The following DRG2 variants were observed in gnomAD, a reference collection of about 807,000 sequenced individuals.
DRG2 encodes developmentally regulated GTP binding protein 2.
A neutral mutation model predicts 53.4 loss-of-function variants in DRG2; 36 were observed. That is an observed-to-expected ratio of 0.67 (90% CI 0.52 to 0.89). The LOEUF (loss-of-function observed/expected upper bound fraction) is 0.89. DRG2 is among the 40% of genes least tolerant of loss of function. The probability of loss-of-function intolerance (pLI) is 0.00; values close to 1 mark genes in which losing one functional copy is unlikely to be tolerated. For synonymous variants in DRG2, 167 were observed against 192.1 expected, an observed-to-expected ratio of 0.87 and a Z score of 1.08; for missense variants, 342 against 481.2, an observed-to-expected ratio of 0.71 and a Z score of 2.71.
At chr17:18,104,513 G>A in intron 10 of DRG2, 110 bp from the exon 11 acceptor site, 2 of 1,557,934 alleles carry the variant, frequency 1.3e-6, no homozygotes, top group East Asian at 2.3e-5. Flanking sequence ...TTAGGCCAAG[G>A]CAAGGAGACC....
Position 18,098,319 on chromosome 17 carries a change from A to G in DRG2, c.275A>G (p.Tyr92Cys), listed in dbSNP as rs762700604. The change falls in exon 3 of 13, where the codon TAT becomes TGT. Residue 92 changes from tyrosine (Y) to cysteine (C), a missense_variant. Coordinates refer to ENST00000225729, the MANE Select transcript of DRG2 (RefSeq NM_001388.5). This position sits in a 1 kb window ranked among gnomAD's most constrained non-coding sequence, Gnocchi z 4.1. The part of the protein sequence containing the change: ...MTSTASEAAS[Y>C]EFTTLTCIPG... ...TCCACGGCCAGCGAGGCAGCGTCCT[A>G]TGAGTTCACCACTCTGACGTGTATT... is the stretch of plus-strand genomic sequence containing the variant. 9 of 1,613,984 alleles carry G rather than the reference A, an allele frequency of 5.6e-6. No homozygotes were observed. The highest frequency in any genetic ancestry group is 4.5e-5 in the East Asian group (2 of 44,874).
At position 18,103,652 on chromosome 17, in the gene DRG2, C is replaced by T; in HGVS notation, c.807-149C>T. ...AGGCACTGGCAGCAGAAACATCAGGCTGCCATCATAGTAATGGGCTTGTTT... is the reference window on the plus strand; with the variant it reads ...AGGCACTGGCAGCAGAAACATCAGGTTGCCATCATAGTAATGGGCTTGTTT... On this transcript the variant is annotated intron_variant, in intron 9 of 12. Transcript: ENST00000225729. The surrounding 1 kb of genome is among the most constrained non-coding windows in gnomAD (Gnocchi z 4.4). 1 of 697,802 alleles carries T rather than the reference C, an allele frequency of 1.4e-6. No individual in the cohort carries two copies. Among genetic ancestry groups the T allele is most frequent in the Non-Finnish European group, 2.5e-6 (1 of 398,456 alleles). 43.2% of individuals were successfully genotyped at this position (697,802 alleles called of 1,614,324 possible).
chr17:18,101,351 T>A, intron 7 of DRG2, 142 bp from the exon 8 acceptor site: 1 of 689,350 alleles, frequency 1.5e-6, no homozygotes, highest in Non-Finnish European at 2.5e-6. Context: ...TCCAAAGCAT[T>A]ACAATCTTGC....
chr17:18,098,120 G>T lies in DRG2; in HGVS notation c.226-150G>T. 1.6e-6 allele frequency: 1 copy of T among 635,810 alleles called. No homozygotes were observed. The highest frequency in any genetic ancestry group is 1.7e-5 in the South Asian group (1 of 58,348). 39.4% of individuals were successfully genotyped at this position (635,810 alleles called of 1,614,324 possible). A position where few individuals can be genotyped will look rare whatever the true frequency, so the allele number is the denominator to read the frequency against. ...AGGGCCAGAGGTGAGCCCTCTGGCT[G>T]GGAGGTCTCTTCACAGCCACCTAGG... On this transcript the variant is annotated intron_variant, in intron 2 of 12. Coordinates refer to ENST00000225729, the MANE Select transcript of DRG2 (RefSeq NM_001388.5). The surrounding 1 kb of genome is among the most constrained non-coding windows in gnomAD (Gnocchi z 4.1).
chr17:18,101,996 A>G lies in DRG2; in HGVS notation c.805A>G (p.Ser269Gly). ...LARKPNSVVI[S>G]CGMKLNLDYL... ...CCGAAAACCCAACAGTGTGGTCATC[A>G]GGTGAGGCCACTGGCATCCTGCCAC... Residue 269 changes from serine to glycine, a missense_variant and splice_region_variant, in exon 9 of 13, where the codon AGC becomes GGC. Ser to Gly is a moderately conservative substitution (Grantham distance 56, BLOSUM62 0). Coordinates refer to ENST00000225729, the MANE Select transcript of DRG2 (RefSeq NM_001388.5). 6.2e-7 allele frequency: 1 copy of G among 1,606,080 alleles called. No homozygotes were observed. Among genetic ancestry groups the G allele is most frequent in the Non-Finnish European group, 8.5e-7 (1 of 1,176,060 alleles).
At chr17:18,102,846 G>A (rs932612581) in intron 9 of DRG2, among the ~76,000 whole-genome samples, 2 of 152,182 alleles carry the variant, frequency 1.3e-5, no homozygotes, top group Middle Eastern at 3.2e-3. Context: ...CACTCTGGAT[G>A]TTTGTTCACT....
rs202181207 is a variant in DRG2 at position 18,104,623 on chromosome 17, A to G, written c.896A>G (p.Gln299Arg). Reference protein sequence around the residue: ...LTCIYTKKRGQRPDFTDAIIL... With the variant: ...LTCIYTKKRGRRPDFTDAIIL... Reference sequence around the variant, plus strand: ...ACGTTCTCCCCATCCTGCCCTGCAGAGAGGCCAGACTTCACAGACGCCATC... The same window carrying G: ...ACGTTCTCCCCATCCTGCCCTGCAGGGAGGCCAGACTTCACAGACGCCATC... The change falls in exon 11 of 13, where the codon CAG becomes CGG. Residue 299 changes from glutamine (Q) to arginine (R), a missense_variant and splice_region_variant. Transcript: ENST00000225729. 30 of 1,613,738 alleles carry G rather than the reference A, an allele frequency of 1.9e-5. No homozygotes were observed. Among genetic ancestry groups the G allele is most frequent in the Middle Eastern group, 3.3e-4 (2 of 6,084 alleles).
At position 18,107,609 on chromosome 17, in the gene DRG2, T is replaced by A. The variant is rs2045666308; in HGVS notation, c.*369T>A. On this transcript the variant is annotated 3_prime_UTR_variant, in exon 13 of 13. Transcript: ENST00000225729. ...AGGCTGGTAGCTGGGCCTGTTTGGG[T>A]CCCTGGAGGCTGTGGCTGCTGTCAT... 4.1e-6 allele frequency: 1 copy of A among 242,158 alleles called. No homozygotes were observed. The highest frequency in any genetic ancestry group is 8.2e-6 in the Non-Finnish European group (1 of 121,528). 15.0% of individuals were successfully genotyped at this position (242,158 alleles called of 1,614,324 possible). A position where few individuals can be genotyped will look rare whatever the true frequency, so the allele number is the denominator to read the frequency against.
At chr17:18,105,870 T>G in intron 11 of DRG2, 1 of 159,148 alleles carries the variant, frequency 6.3e-6, no homozygotes, top group Non-Finnish European at 1.4e-5. Flanking sequence ...CAACCAGAGG[T>G]CTACACTCTC....
At position 18,093,869 on chromosome 17, in the gene DRG2, C is replaced by A. The variant is rs1377436290; in HGVS notation, c.121C>A (p.Leu41Ile). 4 of 1,614,070 alleles carry A rather than the reference C, an allele frequency of 2.5e-6. No individual in the cohort carries two copies. The highest frequency in any genetic ancestry group is 1.3e-5 in the African/African-American group (1 of 74,926). ...KAKLAKYRAQ[L>I]LEPSKSASSK... ...TAAGCTCGCCAAGTATCGGGCCCAG[C>A]TCCTGGAACCGTCCAAATCGGCCTC... Residue 41 changes from leucine (L) to isoleucine (I), a missense_variant, in exon 2 of 13, where the codon CTC becomes ATC. By Grantham distance (5) the Leu-to-Ile change is conservative. Coordinates refer to ENST00000225729, the MANE Select transcript of DRG2 (RefSeq NM_001388.5).
chr17:18,104,610 T>C lies in DRG2; in HGVS notation c.896-13T>C. 6.2e-7 allele frequency: 1 copy of C among 1,613,798 alleles called. No individual in the cohort carries two copies. Among genetic ancestry groups the C allele is most frequent in the Non-Finnish European group, 8.5e-7 (1 of 1,180,000 alleles). ...TGATGTGTGGCTGACGTTCTCCCCA[T>C]CCTGCCCTGCAGAGAGGCCAGACTT... On this transcript the variant is annotated splice_polypyrimidine_tract_variant and intron_variant, in intron 10 of 12. Coordinates refer to ENST00000225729, the MANE Select transcript of DRG2 (RefSeq NM_001388.5).
chr17:18,088,018 G>T lies in DRG2; in HGVS notation c.-6G>T, dbSNP rs1467432823. 34 of 1,548,728 alleles carry T rather than the reference G, an allele frequency of 2.2e-5. No homozygotes were observed. The highest frequency in any genetic ancestry group is 2.7e-5 in the African/African-American group (2 of 72,934). ...CGCTGTCTGTGCGCCCACCTCTGCT[G>T]CTACCATGGGGATCTTAGAGAAGAT... is the stretch of plus-strand genomic sequence containing the variant. On this transcript the variant is annotated 5_prime_UTR_variant, in exon 1 of 13. Coordinates refer to ENST00000225729, the MANE Select transcript of DRG2 (RefSeq NM_001388.5).
intron 9 of DRG2, 42 bp downstream of exon 9, chr17:18,102,039 G>T: frequency 6.3e-7 from 1 of 1,586,740 alleles, no homozygotes; most frequent in East Asian, 2.3e-5. Context: ...TCCTTGCTGT[G>T]GGTTCTGACC....
intron 11 of DRG2, 65 bp from the exon 12 acceptor site, chr17:18,106,368 A>C: frequency 6.3e-7 from 1 of 1,585,458 alleles, no homozygotes. Context: ...TTGGGTGTGC[A>C]GCCAAGCTTG....
Position 18,107,364 on chromosome 17 carries a change from C to A in DRG2, c.*124C>A. 1 of 958,178 alleles carries A rather than the reference C, an allele frequency of 1.0e-6. No homozygotes were observed. 59.4% of individuals were successfully genotyped at this position (958,178 alleles called of 1,614,324 possible). A position where few individuals can be genotyped will look rare whatever the true frequency, so the allele number is the denominator to read the frequency against. On this transcript the variant is annotated 3_prime_UTR_variant, in exon 13 of 13. Transcript: ENST00000225729. ...TACCCCAGGAAGGGGTCCCTCAAGT[C>A]TCTGCTATTTACAGAAGTTTCTTCA... is the stretch of plus-strand genomic sequence containing the variant.
rs1424891799 is a variant in DRG2 at position 18,098,419 on chromosome 17, C to T, written c.315+60C>T. On this transcript the variant is annotated intron_variant, in intron 3 of 12. Coordinates refer to ENST00000225729, the MANE Select transcript of DRG2 (RefSeq NM_001388.5). This position sits in a 1 kb window ranked among gnomAD's most constrained non-coding sequence, Gnocchi z 4.1. ...GCGCATGCTTGTGTTTGGACTTGTG[C>T]CTGTGCCCACCCTGTGTGTGAGTCT... 2.0e-6 allele frequency: 3 copies of T among 1,465,374 alleles called. No individual in the cohort carries two copies. The highest frequency in any genetic ancestry group is 2.9e-6 in the Non-Finnish European group (3 of 1,047,156). 90.8% of individuals were successfully genotyped at this position (1,465,374 alleles called of 1,614,324 possible).
intron 12 of DRG2, among the ~76,000 whole-genome samples, 175 bp downstream of exon 12, chr17:18,106,661 G>A (rs948434768): frequency 6.6e-6 from 1 of 150,842 alleles, no homozygotes; most frequent in African/African-American, 2.4e-5. Flanking sequence ...GTAGACATGG[G>A]CCTTCCCCAC....
intron 1 of DRG2, among the ~76,000 whole-genome samples, chr17:18,088,715 C>T (rs1048847347): frequency 3.9e-5 from 6 of 152,188 alleles, no homozygotes; most frequent in Non-Finnish European, 5.9e-5. Flanking sequence ...GGTGAGCACT[C>T]AGTATTTAAA....
At chr17:18,095,606 G>T (rs1392495953) in intron 2 of DRG2, 3 of 151,428 alleles carry the variant, frequency 2.0e-5, no homozygotes, top group African/African-American at 7.3e-5. Flanking sequence ...CACCATGTTG[G>T]CAAGGCTGGT....
Sources: gnomAD v4.1 joint callset for allele counts (sites outside exome capture counted in the v4.1 genomes callset) on GRCh38, gnomAD v4.1.1 for gene constraint, Gnocchi (gnomAD v3.1) non-coding constraint, MANE v1.5 for transcripts, NCBI Gene and HGNC (gene_info 2026-07-23, HGNC 2026-07-21) for gene names.